Variants in ADORA2B observed in about 807,000 individuals in gnomAD.
ADORA2B encodes adenosine receptor A2b.
In ADORA2B, 18 loss-of-function variants were observed where a neutral mutation model predicts 20.8. The observed-to-expected ratio is 0.87, with a 90% CI of 0.60 to 1.29. The LOEUF is 1.29. Ranked by LOEUF, ADORA2B falls within the 50% of genes most tolerant of loss-of-function variation. The pLI, the probability that ADORA2B is intolerant of heterozygous loss-of-function variation, is 0.00. For synonymous variants in ADORA2B, 179 were observed against 178.3 expected, an observed-to-expected ratio of 1.00 and a Z score of -0.03; for missense variants, 441 against 422.7, an observed-to-expected ratio of 1.04 and a Z score of -0.38.
At chr17:15,877,619 C>T in the ADORA2B span, among the ~76,000 whole-genome samples, 396 of 152,226 alleles carry the variant, frequency 2.6e-3, 1 homozygote, top group Non-Finnish European at 4.7e-3. Flanking sequence ...CTTGTAAATT[C>T]GTTTAATTCC....
At chr17:15,920,000 G>C in the ADORA2B span, among the ~76,000 whole-genome samples, 2 of 152,086 alleles carry the variant, frequency 1.3e-5, no homozygotes, top group Non-Finnish European at 2.9e-5. Context: ...CTTTTCCCTA[G>C]ACCAAAGTAC....
the ADORA2B span, among the ~76,000 whole-genome samples, chr17:15,916,041 C>T: frequency 3.9e-5 from 6 of 152,302 alleles, no homozygotes; most frequent in Middle Eastern, 3.4e-3. Context: ...GATCACCTCA[C>T]GGGTCACTAA....
the ADORA2B span, among the ~76,000 whole-genome samples, chr17:15,886,980 G>A: frequency 7.6e-6 from 1 of 131,012 alleles, no homozygotes; most frequent in Admixed American, 7.5e-5. Context: ...GTGCTTGCAA[G>A]GCAACCAGAC....
intron 1 of ADORA2B, among the ~76,000 whole-genome samples, chr17:15,972,810 T>C (rs1970205013): frequency 6.6e-6 from 1 of 152,138 alleles, no homozygotes; most frequent in Admixed American, 6.5e-5. Context: ...TGGAGTGCAG[T>C]GGTGCAATCA....
In ADORA2B at chr17:15,975,022, C is replaced by A; in HGVS notation, c.679C>A (p.Gln227Lys). The change falls in exon 2 of 2, where the codon CAG becomes AAG. Residue 227 changes from glutamine (Q) to lysine (K), a missense_variant. By Grantham distance (53) the Gln-to-Lys change is moderately conservative. Transcript: ENST00000304222. ...GATGGACCACTCGAGGACCACCCTCCAGCGGGAGATCCATGCAGCCAAGTC... is the reference window on the plus strand; with the variant it reads ...GATGGACCACTCGAGGACCACCCTCAAGCGGGAGATCCATGCAGCCAAGTC... ...ELMDHSRTTL[Q>K]REIHAAKSLA... 1 of 1,614,184 alleles carries A rather than the reference C, an allele frequency of 6.2e-7. No homozygotes were observed.
At chr17:15,965,640 A>G (rs1167312257) in intron 1 of ADORA2B, among the ~76,000 whole-genome samples, 1 of 152,220 alleles carries the variant, frequency 6.6e-6, no homozygotes, top group Non-Finnish European at 1.5e-5. Context: ...TAGTGGGAGG[A>G]GAATGACAGT....
At chr17:15,874,117 TACACAC>T in the ADORA2B span, among the ~76,000 whole-genome samples, 25 of 147,104 alleles carry the variant, frequency 1.7e-4, no homozygotes, top group East Asian at 7.9e-4. Flanking sequence ...CATATATACA[TACACAC>T]ACACACACAC....
At chr17:15,951,646 G>A (rs558243843) in intron 1 of ADORA2B, among the ~76,000 whole-genome samples, 2 of 152,356 alleles carry the variant, frequency 1.3e-5, no homozygotes, top group East Asian at 1.9e-4. Flanking sequence ...TGGTCAGTGA[G>A]GTCCTCAAAT....
the ADORA2B span, among the ~76,000 whole-genome samples, chr17:15,856,947 C>T: frequency 6.6e-6 from 1 of 152,166 alleles, no homozygotes; most frequent in Non-Finnish European, 1.5e-5. Context: ...ATCACCAAAA[C>T]AGTGGGAAAA....
chr17:15,920,458 C>T, the ADORA2B span, among the ~76,000 whole-genome samples: 10 of 152,318 alleles, frequency 6.6e-5, no homozygotes, highest in Middle Eastern at 3.4e-3. Context: ...CACAGTGGCT[C>T]ACGCCTGTAA....
At chr17:15,956,316 G>C (rs1232409628) in intron 1 of ADORA2B, among the ~76,000 whole-genome samples, 1 of 152,132 alleles carries the variant, frequency 6.6e-6, no homozygotes, top group African/African-American at 2.4e-5. Context: ...CCACAGCTTG[G>C]GGAGAGTGTG....
the ADORA2B span, chr17:15,858,962 G>A: frequency 6.6e-6 from 1 of 152,178 alleles, no homozygotes; most frequent in Non-Finnish European, 1.5e-5. Context: ...ACCTCTCAGT[G>A]TGCTTGTGCT....
the ADORA2B span, among the ~76,000 whole-genome samples, chr17:15,884,145 C>T: frequency 6.6e-6 from 1 of 151,754 alleles, no homozygotes; most frequent in Non-Finnish European, 1.5e-5. Flanking sequence ...ACTGTTCCTC[C>T]AGATGTCATG....
At chr17:15,898,452 A>AC in the ADORA2B span, among the ~76,000 whole-genome samples, 2 of 117,876 alleles carry the variant, frequency 1.7e-5, no homozygotes, top group East Asian at 5.1e-4. Flanking sequence ...TTAATCTCCC[A>AC]CTTTTTTTTT....
At chr17:15,941,296 T>G (rs1373808867), upstream of ADORA2B, among the ~76,000 whole-genome samples, 1 of 152,202 alleles carries the variant, frequency 6.6e-6, no homozygotes, top group Non-Finnish European at 1.5e-5. Context: ...GTAGATATTG[T>G]TATCCCATCT....
At chr17:15,856,881 C>G in the ADORA2B span, among the ~76,000 whole-genome samples, 1 of 152,318 alleles carries the variant, frequency 6.6e-6, no homozygotes, top group South Asian at 2.1e-4. Flanking sequence ...AACCAACTTT[C>G]TGAAGAGATA....
At chr17:15,941,151 A>C (rs551445986), upstream of ADORA2B, among the ~76,000 whole-genome samples, 1 of 152,276 alleles carries the variant, frequency 6.6e-6, no homozygotes, top group South Asian at 2.1e-4. Context: ...TGAAAGTCCC[A>C]CTTGAGTTTC....
At chr17:15,874,074 ATATATATG>A in the ADORA2B span, among the ~76,000 whole-genome samples, 3 of 142,610 alleles carry the variant, frequency 2.1e-5, no homozygotes, top group East Asian at 6.0e-4. Flanking sequence ...GTGTGTATAT[ATATATATG>A]TATATATATG....
the ADORA2B span, among the ~76,000 whole-genome samples, chr17:15,883,652 C>G: frequency 6.6e-6 from 1 of 152,108 alleles, no homozygotes; most frequent in African/African-American, 2.4e-5. Context: ...GGGCACATGC[C>G]GTATGGTAGA....
Sources: gnomAD v4.1 joint callset for allele counts (sites outside exome capture counted in the v4.1 genomes callset) on GRCh38, gnomAD v4.1.1 for gene constraint, MANE v1.5 for transcripts, NCBI Gene and HGNC (gene_info 2026-07-23, HGNC 2026-07-21) for gene names.